The following ITFG1 variants were observed in gnomAD, a reference collection of about 807,000 sequenced individuals.
ITFG1 encodes the protein T-cell immunomodulatory protein.
In ITFG1, 34 loss-of-function variants were observed where a neutral mutation model predicts 81.8. The ratio of observed to expected loss-of-function variants is 0.42; its 90% CI spans 0.32 to 0.55. The LOEUF (loss-of-function observed/expected upper bound fraction) is 0.55. Among genes scored for constraint, ITFG1 ranks in the 20% least tolerant of loss-of-function variants. The probability of loss-of-function intolerance (pLI) is 0.17; values close to 1 mark genes in which losing one functional copy is unlikely to be tolerated. For synonymous variants in ITFG1, 285 were observed against 270.6 expected, an observed-to-expected ratio of 1.05 and a Z score of -0.52; for missense variants, 672 against 755.4, an observed-to-expected ratio of 0.89 and a Z score of 1.29.
intron 6 of ITFG1, among the ~76,000 whole-genome samples, chr16:47,382,649 C>T (rs116498255): frequency 0.043 from 1,145 of 26,892 alleles, 13 homozygotes; most frequent in African/African-American, 0.14. Flanking sequence ...GATCAGAAGT[C>T]GGGGGGTGGG....
chr16:47,210,733 C>T (rs963254035), intron 14 of ITFG1, among the ~76,000 whole-genome samples: 1 of 152,054 alleles, frequency 6.6e-6, no homozygotes, highest in Non-Finnish European at 1.5e-5. Flanking sequence ...TTGCTTTTTG[C>T]ACCTTTGTCA....
intron 5 of ITFG1, among the ~76,000 whole-genome samples, chr16:47,442,236 G>A (rs1483702801): frequency 1.3e-5 from 2 of 152,152 alleles, no homozygotes; most frequent in African/African-American, 4.8e-5. Flanking sequence ...AATCAATATC[G>A]TGAAAATGGC....
chr16:47,357,353 G>T (rs1175884072), intron 8 of ITFG1, among the ~76,000 whole-genome samples: 2 of 151,922 alleles, frequency 1.3e-5, no homozygotes, highest in Non-Finnish European at 2.9e-5. Flanking sequence ...AGTGGCTCCC[G>T]CCTGTAATCC....
chr16:47,438,436 C>G (rs191620791), intron 5 of ITFG1, among the ~76,000 whole-genome samples: 1 of 152,204 alleles, frequency 6.6e-6, no homozygotes, highest in African/African-American at 2.4e-5. Flanking sequence ...AGGCACCCCC[C>G]AGTAGGGGTG....
At chr16:47,443,532 A>T (rs1362093845) in intron 5 of ITFG1, among the ~76,000 whole-genome samples, 9 of 152,238 alleles carry the variant, frequency 5.9e-5, no homozygotes, top group Admixed American at 5.9e-4. Context: ...GATTAAGAAA[A>T]TGTGGCACAT....
intron 5 of ITFG1, among the ~76,000 whole-genome samples, chr16:47,441,609 G>A (rs1052372526): frequency 3.9e-5 from 6 of 152,106 alleles, no homozygotes; most frequent in African/African-American, 1.2e-4. Context: ...TGCAGAAAAG[G>A]CCTTTGATAA....
chr16:47,335,122 C>T lies in ITFG1; in HGVS notation c.803-21299G>A, dbSNP rs1374639312. Among the ~76,000 whole-genome samples, 12 of 152,074 alleles carry T rather than the reference C, an allele frequency of 7.9e-5. No homozygotes were observed. In the East Asian group the frequency reaches 9.6e-4, roughly 12 times the overall value. ...CAGTAAACCTAGCACTTTGGGAGGCCGAGGAGGGTGGATCACCTGAGGTCA... is the reference window on the plus strand; with the variant it reads ...CAGTAAACCTAGCACTTTGGGAGGCTGAGGAGGGTGGATCACCTGAGGTCA... On this transcript the variant is annotated intron_variant, in intron 8 of 17. Coordinates refer to ENST00000320640, the MANE Select transcript of ITFG1 (RefSeq NM_030790.5).
Position 47,158,953 on chromosome 16 carries a change from C to T in ITFG1, c.1699G>A (p.Val567Ile). Residue 567 changes from valine to isoleucine, a missense_variant, in exon 17 of 18, where the codon GTT (valine) becomes ATT (isoleucine). Val to Ile is a conservative substitution (Grantham distance 29). This residue lies in a region of ITFG1 where 65 missense variants were observed against 103.3 expected (regional missense o/e 0.63). Transcript: ENST00000320640. The part of the protein sequence containing the change: ...AKLYLTPSNI[V>I]LLTAIALIGV... ...ATGAGAGCTATAGCAGTAAGCAGAA[C>T]AATATTACTTGGTGTAAGATACAGT... The T allele has an allele frequency of 1.3e-6, 2 of 1,594,490 alleles. No homozygotes were observed. Among genetic ancestry groups the T allele is most frequent in the African/African-American group, 2.7e-5 (2 of 74,108 alleles).
At chr16:47,260,810 GA>G in intron 10 of ITFG1, 115 bp from the exon 11 acceptor site, 6 of 1,102,170 alleles carry the variant, frequency 5.4e-6, no homozygotes, top group Non-Finnish European at 7.8e-6. Flanking sequence ...GAAATTACAC[GA>G]AAAAATCTCC....
At chr16:47,288,230 A>G (rs1966877766) in intron 10 of ITFG1, among the ~76,000 whole-genome samples, 1 of 152,176 alleles carries the variant, frequency 6.6e-6, no homozygotes, top group Non-Finnish European at 1.5e-5. Flanking sequence ...TATTTCACTT[A>G]ATATAAAGTC....
intron 14 of ITFG1, among the ~76,000 whole-genome samples, chr16:47,163,533 T>G (rs1349980154): frequency 6.6e-6 from 1 of 152,270 alleles, no homozygotes; most frequent in Non-Finnish European, 1.5e-5. Context: ...TTTCATTAAT[T>G]AATTTCATTA....
intron 9 of ITFG1, 53 bp downstream of exon 9, chr16:47,313,676 T>A: frequency 2.0e-6 from 2 of 977,656 alleles, no homozygotes; most frequent in Admixed American, 4.5e-5. Context: ...CTTAGAAGAT[T>A]TTTTTCCAAG....
chr16:47,194,387 T>C (rs1965330570), intron 14 of ITFG1, among the ~76,000 whole-genome samples: 1 of 152,224 alleles, frequency 6.6e-6, no homozygotes, highest in South Asian at 2.1e-4. Flanking sequence ...TGGCAAAGTA[T>C]CATGCACAGT....
intron 8 of ITFG1, among the ~76,000 whole-genome samples, chr16:47,364,478 G>A (rs1968149977): frequency 6.6e-6 from 1 of 152,076 alleles, no homozygotes; most frequent in Admixed American, 6.6e-5. Context: ...AGAGATCTCT[G>A]TACTCCCTGA....
chr16:47,202,979 T>C (rs1965445469), intron 14 of ITFG1, among the ~76,000 whole-genome samples: 1 of 152,174 alleles, frequency 6.6e-6, no homozygotes, highest in African/African-American at 2.4e-5. Flanking sequence ...TATCATATGA[T>C]GCAGCAAGTC....
chr16:47,258,755 A>G lies in ITFG1; in HGVS notation c.1222-15T>C. 1 of 1,266,740 alleles carries G rather than the reference A, an allele frequency of 7.9e-7. No homozygotes were observed. The highest frequency in any genetic ancestry group is 1.1e-6 in the Non-Finnish European group (1 of 911,162). 78.5% of individuals were successfully genotyped at this position (1,266,740 alleles called of 1,614,324 possible). On this transcript the variant is annotated splice_polypyrimidine_tract_variant and intron_variant, in intron 11 of 17. Coordinates refer to ENST00000320640, the MANE Select transcript of ITFG1 (RefSeq NM_030790.5). ...TCCAAGATTCCCTGGAAAAAAACAA[A>G]CAAAAATGGTAAGAACAAACTATTA...
Position 47,332,905 on chromosome 16 carries a change from A to G in ITFG1, c.803-19082T>C, listed in dbSNP as rs111709503. 3.7e-3 allele frequency among the ~76,000 whole-genome samples: 565 copies of G among 152,330 alleles called. 4 individuals are homozygous for G. The highest frequency in any genetic ancestry group is 0.024 in the Middle Eastern group (7 of 294). On this transcript the variant is annotated intron_variant, in intron 8 of 17. Coordinates refer to ENST00000320640, the MANE Select transcript of ITFG1 (RefSeq NM_030790.5). ...CAGTTTATTCAAAGGTACTAGAGCAATTTACGAGGTTATTCATCTATGAAA... is the reference window on the plus strand; with the variant it reads ...CAGTTTATTCAAAGGTACTAGAGCAGTTTACGAGGTTATTCATCTATGAAA...
chr16:47,407,129 G>A (rs1968739188), intron 6 of ITFG1, among the ~76,000 whole-genome samples: 1 of 152,170 alleles, frequency 6.6e-6, no homozygotes, highest in Non-Finnish European at 1.5e-5. Flanking sequence ...ATTTTGGGAA[G>A]AGTCATTTAC....
intron 10 of ITFG1, among the ~76,000 whole-genome samples, chr16:47,292,015 C>T (rs1283914550): frequency 4.0e-5 from 6 of 150,566 alleles, no homozygotes; most frequent in Non-Finnish European, 7.4e-5. Context: ...GCCATTTTTC[C>T]TTGCTTTTTT....
Sources: gnomAD v4.1 joint callset for allele counts (sites outside exome capture counted in the v4.1 genomes callset) on GRCh38, gnomAD v4.1.1 for gene constraint, gnomAD v4.1.1 regional missense constraint, MANE v1.5 for transcripts, NCBI Gene and HGNC (gene_info 2026-07-23, HGNC 2026-07-21) for gene names.